ADAMTS20: variants seen among roughly 807,000 people sequenced by gnomAD.
The protein encoded by ADAMTS20 is A disintegrin and metalloproteinase with thrombospondin motifs 20.
ADAMTS20 carries 225 observed loss-of-function variants against 260.1 expected under a neutral mutation model. The ratio of observed to expected loss-of-function variants is 0.87; its 90% CI spans 0.78 to 0.97. The LOEUF (loss-of-function observed/expected upper bound fraction) is 0.97. Among genes scored for constraint, ADAMTS20 ranks in the 50% least tolerant of loss-of-function variants. The pLI, the probability that ADAMTS20 is intolerant of heterozygous loss-of-function variation, is 0.00. For synonymous variants in ADAMTS20, 802 were observed against 769.5 expected (o/e 1.04, Z -0.70); for missense variants, 2,400 against 2,337.7 (o/e 1.03, Z -0.55).
At position 43,443,875 on chromosome 12, in the gene ADAMTS20, C is replaced by G. The variant is rs1941713454; in HGVS notation, c.2206G>C (p.Val736Leu). The change falls in exon 16 of 39, where the codon GTT becomes CTT. Residue 736 changes from valine to leucine, a missense_variant. Transcript: ENST00000389420. Reference protein sequence around the residue: ...VFNSSHYGYNVVVKIPAGATN... With the variant: ...VFNSSHYGYNLVVKIPAGATN... ...GCTCCTGCGGGAATCTTTACAACAA[C>G]ATTATAACCTGCAATATAATTTTAC... 1.2e-6 allele frequency: 2 copies of G among 1,612,442 alleles called. No individual in the cohort carries two copies. The highest frequency in any genetic ancestry group is 3.3e-5 in the Admixed American group (2 of 59,988).
intron 28 of ADAMTS20, among the ~76,000 whole-genome samples, chr12:43,409,621 A>C (rs1453696641): frequency 2.0e-5 from 3 of 147,830 alleles, no homozygotes; most frequent in Non-Finnish European, 4.5e-5. Context: ...AAAAAAAAAA[A>C]AAAAAAAAAC....
chr12:43,478,619 A>G (rs1942395296), intron 7 of ADAMTS20, among the ~76,000 whole-genome samples: 1 of 152,174 alleles, frequency 6.6e-6, no homozygotes, highest in Non-Finnish European at 1.5e-5. Context: ...AGACAAAGAG[A>G]GGATCTTATA....
chr12:43,418,461 C>T (rs111532516), intron 28 of ADAMTS20, among the ~76,000 whole-genome samples: 2 of 152,092 alleles, frequency 1.3e-5, no homozygotes, highest in Non-Finnish European at 2.9e-5. Context: ...AGGCACGCGC[C>T]ACCACGCCCA....
In ADAMTS20 at chr12:43,383,890, C is replaced by T. The variant is rs866953554; in HGVS notation, c.4540G>A (p.Asp1514Asn). 1 of 1,613,930 alleles carries T rather than the reference C, an allele frequency of 6.2e-7. No individual in the cohort carries two copies. Among genetic ancestry groups the T allele is most frequent in the African/African-American group, 1.3e-5 (1 of 75,032 alleles). Residue 1514 changes from aspartate (D) to asparagine (N), a missense_variant, in exon 30 of 39, where the codon GAT becomes AAT. Physicochemically the swap from Asp to Asn is conservative, Grantham distance 23 (BLOSUM62 1). Transcript: ENST00000389420. ...TGAGAACAAGGTCGGGTGGACTGATCACACATTTCTTCAACCACCTGACCA... is the reference window on the plus strand; with the variant it reads ...TGAGAACAAGGTCGGGTGGACTGATTACACATTTCTTCAACCACCTGACCA... ...GVGQVVEEMC[D>N]QSTRPCSQRR...
intron 29 of ADAMTS20, among the ~76,000 whole-genome samples, chr12:43,394,511 T>C (rs1397431978): frequency 2.0e-5 from 3 of 152,120 alleles, no homozygotes; most frequent in Non-Finnish European, 4.4e-5. Context: ...ATTTACCCTT[T>C]AACCTGTAAA....
chr12:43,360,251 C>T (rs1939838616), intron 37 of ADAMTS20, among the ~76,000 whole-genome samples: 1 of 152,064 alleles, frequency 6.6e-6, no homozygotes, highest in South Asian at 2.1e-4. Flanking sequence ...GAGTTCAAGA[C>T]CAGCCTGGCC....
At chr12:43,474,115 G>C (rs939657320) in intron 7 of ADAMTS20, among the ~76,000 whole-genome samples, 16 of 151,552 alleles carry the variant, frequency 1.1e-4, no homozygotes, top group Admixed American at 2.0e-4. Flanking sequence ...GAAAAAAAGA[G>C]AGCAGAATCA....
chr12:43,501,424 C>T (rs571892861), intron 4 of ADAMTS20, among the ~76,000 whole-genome samples: 5 of 150,792 alleles, frequency 3.3e-5, no homozygotes, highest in Admixed American at 2.0e-4. Context: ...AAATAACAGG[C>T]CTAATTCAGG....
chr12:43,552,053 G>A lies in ADAMTS20; in HGVS notation c.-132C>T. 2.7e-6 allele frequency: 2 copies of A among 729,258 alleles called. No homozygotes were observed. Among genetic ancestry groups the A allele is most frequent in the Non-Finnish European group, 4.6e-6 (2 of 433,358 alleles). 45.2% of individuals were successfully genotyped at this position (729,258 alleles called of 1,614,324 possible). A position where few individuals can be genotyped will look rare whatever the true frequency, so the allele number is the denominator to read the frequency against. On this transcript the variant is annotated 5_prime_UTR_variant, in exon 1 of 39. Transcript: ENST00000389420. Reference sequence around the variant, plus strand: ...CCGCGCCTCAGCAGCCTAGGGAACAGCAGCGCGGGCCCTGGGCCGGCTGGT... The same window carrying A: ...CCGCGCCTCAGCAGCCTAGGGAACAACAGCGCGGGCCCTGGGCCGGCTGGT...
At chr12:43,377,624 G>T (rs560117902) in intron 31 of ADAMTS20, 62 bp from the exon 32 acceptor site, 22 of 1,325,306 alleles carry the variant, frequency 1.7e-5, no homozygotes, top group Admixed American at 2.1e-5. Context: ...CCTAATATTT[G>T]TCAGATGCTT....
At chr12:43,466,487 A>C (rs943376862) in intron 9 of ADAMTS20, among the ~76,000 whole-genome samples, 165 bp downstream of exon 9, 3 of 151,828 alleles carry the variant, frequency 2.0e-5, no homozygotes, top group African/African-American at 7.3e-5. Context: ...ATATATGTAC[A>C]CATGAACACA....
chr12:43,452,004 C>G (rs1222317553), intron 14 of ADAMTS20, among the ~76,000 whole-genome samples: 2 of 151,972 alleles, frequency 1.3e-5, no homozygotes, highest in Non-Finnish European at 2.9e-5. Flanking sequence ...AGGAAGCTGA[C>G]CTCATTCCTA....
At chr12:43,389,247 G>A (rs977726196) in intron 29 of ADAMTS20, among the ~76,000 whole-genome samples, 1 of 152,072 alleles carries the variant, frequency 6.6e-6, no homozygotes, top group African/African-American at 2.4e-5. Context: ...GATTCATCCT[G>A]AGGCAAATAT....
intron 24 of ADAMTS20, among the ~76,000 whole-genome samples, 166 bp from the exon 25 acceptor site, chr12:43,428,965 G>A (rs2137302288): frequency 6.6e-6 from 1 of 151,734 alleles, no homozygotes; most frequent in South Asian, 2.1e-4. Context: ...ATAAAGATGG[G>A]GTAGTGAATA....
At chr12:43,529,498 T>G (rs1194180544) in intron 3 of ADAMTS20, among the ~76,000 whole-genome samples, 1 of 152,144 alleles carries the variant, frequency 6.6e-6, no homozygotes, top group Non-Finnish European at 1.5e-5. Flanking sequence ...TAATGTCCTT[T>G]GCAGCAAGTT....
chr12:43,381,428 A>G (rs1389065890), intron 31 of ADAMTS20, among the ~76,000 whole-genome samples: 2 of 152,072 alleles, frequency 1.3e-5, no homozygotes, highest in African/African-American at 2.4e-5. Context: ...AATATTTGCA[A>G]ATCATCTAAC....
chr12:43,376,204 T>G, intron 34 of ADAMTS20, 32 bp downstream of exon 34: 1 of 1,539,990 alleles, frequency 6.5e-7, no homozygotes, highest in Non-Finnish European at 8.8e-7. Flanking sequence ...ATGATCAATG[T>G]TAAAATAAAA....
chr12:43,433,703 AACACACACACAC>A (rs56226241), intron 19 of ADAMTS20: 12,369 of 353,816 alleles, frequency 0.035, 30 homozygotes, highest in Middle Eastern at 0.054. Context: ...TGCACACACA[AACACACACACAC>A]ACACACACAC....
chr12:43,432,148 C>A (rs1941456804), intron 21 of ADAMTS20, among the ~76,000 whole-genome samples, 156 bp downstream of exon 21: 1 of 152,116 alleles, frequency 6.6e-6, no homozygotes, highest in African/African-American at 2.4e-5. Context: ...ACACTGTGTG[C>A]CTGGCCTGTC....
Sources: allele counts gnomAD v4.1 joint callset (sites outside exome capture counted in the v4.1 genomes callset), GRCh38; gene constraint gnomAD v4.1.1; transcripts MANE v1.5; gene names NCBI Gene and HGNC (gene_info 2026-07-23, HGNC 2026-07-21).